ST18: variants seen among roughly 807,000 people sequenced by gnomAD.
ST18 encodes suppression of tumorigenicity 18 protein.
A neutral mutation model predicts 110.0 loss-of-function variants in ST18; 50 were observed. The ratio of observed to expected loss-of-function variants is 0.45; its 90% CI spans 0.36 to 0.58. The LOEUF (loss-of-function observed/expected upper bound fraction) is 0.58. ST18 is among the 20% of genes least tolerant of loss of function. The probability of loss-of-function intolerance (pLI) is 0.00; values close to 1 mark genes in which losing one functional copy is unlikely to be tolerated. For missense variants in ST18, 1,306 were observed against 1,280.1 expected (o/e 1.02, Z -0.31); for synonymous variants, 461 against 452.4 (o/e 1.02, Z -0.24).
chr8:52,123,539 T>C (rs2045836627), intron 23 of ST18, among the ~76,000 whole-genome samples: 1 of 152,210 alleles, frequency 6.6e-6, no homozygotes, highest in Non-Finnish European at 1.5e-5. Context: ...CATTGTAGGT[T>C]CTTAAGCTTT....
At chr8:52,301,089 T>G (rs1241304790) in intron 2 of ST18, among the ~76,000 whole-genome samples, 1 of 152,210 alleles carries the variant, frequency 6.6e-6, no homozygotes, top group African/African-American at 2.4e-5. Flanking sequence ...CTGAATAGAT[T>G]TCTAATAATG....
chr8:52,344,113 C>A (rs1816516014), intron 2 of ST18, among the ~76,000 whole-genome samples: 1 of 152,024 alleles, frequency 6.6e-6, no homozygotes, highest in African/African-American at 2.4e-5. Flanking sequence ...GGTACGAAAT[C>A]AATTTAAATT....
At chr8:52,184,998 T>C (rs901027747) in intron 8 of ST18, among the ~76,000 whole-genome samples, 88 of 152,250 alleles carry the variant, frequency 5.8e-4, no homozygotes, top group African/African-American at 2.1e-3. Flanking sequence ...AAAGGTATGA[T>C]GATTGAAAAA....
At chr8:52,370,642 T>C (rs565013451) in intron 2 of ST18, among the ~76,000 whole-genome samples, 18 of 152,282 alleles carry the variant, frequency 1.2e-4, no homozygotes, top group Admixed American at 2.6e-4. Context: ...ATAATCACAC[T>C]GCTAGCATCA....
At chr8:52,346,148 G>A (rs932545792) in intron 2 of ST18, among the ~76,000 whole-genome samples, 1 of 150,998 alleles carries the variant, frequency 6.6e-6, no homozygotes, top group Admixed American at 6.6e-5. Context: ...TGAGAAAAAG[G>A]CCATATGTAA....
chr8:52,209,967 G>C (rs931358358), intron 8 of ST18: 4 of 434,638 alleles, frequency 9.2e-6, no homozygotes, highest in African/African-American at 8.2e-5. Flanking sequence ...CTAGGCCAAT[G>C]TACACACATT....
chr8:52,274,659 A>G (rs2095180580), intron 2 of ST18, among the ~76,000 whole-genome samples: 1 of 152,194 alleles, frequency 6.6e-6, no homozygotes, highest in African/African-American at 2.4e-5. Context: ...ACTTGTTTTC[A>G]TAGTCACATT....
intron 2 of ST18, among the ~76,000 whole-genome samples, chr8:52,261,828 A>T (rs1291990859): frequency 6.6e-6 from 1 of 152,134 alleles, no homozygotes; most frequent in Admixed American, 6.6e-5. Flanking sequence ...AATGTGTCTC[A>T]TTCCAGGTCA....
At chr8:52,115,355 T>C (rs2042152756) in intron 25 of ST18, among the ~76,000 whole-genome samples, 1 of 152,216 alleles carries the variant, frequency 6.6e-6, no homozygotes, top group South Asian at 2.1e-4. Flanking sequence ...TTTAAGAATA[T>C]GTAAAAGAAG....
chr8:52,297,584 C>T (rs956936690), intron 2 of ST18, among the ~76,000 whole-genome samples: 5 of 152,010 alleles, frequency 3.3e-5, no homozygotes, highest in Admixed American at 6.6e-5. Context: ...TTAAAAACAA[C>T]AAAAACAATA....
chr8:52,282,697 T>A (rs919045936), intron 2 of ST18, among the ~76,000 whole-genome samples: 2 of 152,006 alleles, frequency 1.3e-5, no homozygotes, highest in Admixed American at 6.6e-5. Flanking sequence ...ACCAGAACTA[T>A]CCTCCAGAGC....
chr8:52,146,452 T>G lies in ST18; in HGVS notation c.2052+3280A>C, dbSNP rs556061691. Among the ~76,000 whole-genome samples, 3 of 152,220 alleles carry G rather than the reference T, an allele frequency of 2.0e-5. No individual in the cohort carries two copies. The South Asian group carries it at 6.2e-4, about 32-fold the overall frequency. On this transcript the variant is annotated intron_variant, in intron 16 of 25. Coordinates refer to ENST00000689386, the MANE Select transcript of ST18 (RefSeq NM_001352837.2). ...TTTTGGTGATTTTTTTTTCTTTTCCTTTTCCTCATTTACCTTCTTCTCTTT... is the reference window on the plus strand; with the variant it reads ...TTTTGGTGATTTTTTTTTCTTTTCCGTTTCCTCATTTACCTTCTTCTCTTT...
At chr8:52,333,741 T>G (rs1810716766) in intron 2 of ST18, among the ~76,000 whole-genome samples, 1 of 152,266 alleles carries the variant, frequency 6.6e-6, no homozygotes, top group African/African-American at 2.4e-5. Context: ...TAAAAACTAT[T>G]GTGTACAATA....
At chr8:52,363,930 G>A (rs1476155032) in intron 2 of ST18, among the ~76,000 whole-genome samples, 1 of 152,172 alleles carries the variant, frequency 6.6e-6, no homozygotes. Flanking sequence ...AAAGAAGGAA[G>A]TACAGGAATC....
Position 52,149,874 on chromosome 8 carries a change from A to C in ST18, c.1910T>G (p.Ile637Ser). The part of the protein sequence containing the change: ...SAPLTSSNTS[I>S]PTPSSSPFKT... The stretch of plus-strand genomic sequence containing the variant: ...GAATGGGGAAGAGGAAGGAGTTGGA[A>C]TAGAAGTGTTAGAGGAAGTTAGGGG... Residue 637 changes from isoleucine (I) to serine (S), a missense_variant, in exon 16 of 26, where the codon ATT becomes AGT. Physicochemically the swap from Ile to Ser is moderately radical, Grantham distance 142. Coordinates refer to ENST00000689386, the MANE Select transcript of ST18 (RefSeq NM_001352837.2). 6.2e-7 allele frequency: 1 copy of C among 1,614,180 alleles called. No individual in the cohort carries two copies. The highest frequency in any genetic ancestry group is 1.6e-4 in the Middle Eastern group (1 of 6,062).
chr8:52,156,478 C>G (rs1444581539), intron 15 of ST18, among the ~76,000 whole-genome samples: 1 of 152,196 alleles, frequency 6.6e-6, no homozygotes, highest in African/African-American at 2.4e-5. Flanking sequence ...ATCAGGCTAG[C>G]ATTCAATGTG....
At chr8:52,205,599 C>T (rs1051422307) in intron 8 of ST18, among the ~76,000 whole-genome samples, 2 of 152,114 alleles carry the variant, frequency 1.3e-5, no homozygotes, top group African/African-American at 4.8e-5. Flanking sequence ...GAGTCTCACT[C>T]TGTTGCCCAG....
chr8:52,123,232 C>T (rs2045692693), intron 23 of ST18, among the ~76,000 whole-genome samples: 2 of 152,012 alleles, frequency 1.3e-5, no homozygotes, highest in African/African-American at 4.8e-5. Context: ...CATAATATTC[C>T]CCTAAAATAT....
At chr8:52,324,299 GA>G (rs1589912533) in intron 2 of ST18, among the ~76,000 whole-genome samples, 1 of 150,240 alleles carries the variant, frequency 6.7e-6, no homozygotes, top group East Asian at 2.0e-4. Context: ...CAGGTTGATA[GA>G]TGATGGATGG....
Sources: gnomAD v4.1 joint callset for allele counts (sites outside exome capture counted in the v4.1 genomes callset) on GRCh38, gnomAD v4.1.1 for gene constraint, MANE v1.5 for transcripts, NCBI Gene and HGNC (gene_info 2026-07-23, HGNC 2026-07-21) for gene names.